Variants in BRD8 observed in about 807,000 individuals in gnomAD.
BRD8 encodes bromodomain-containing protein 8.
A neutral mutation model predicts 143.1 loss-of-function variants in BRD8; 67 were observed. The observed-to-expected ratio is 0.47, with a 90% CI of 0.38 to 0.57. BRD8 has a LOEUF of 0.57. BRD8 is among the 20% of genes least tolerant of loss of function. BRD8 has a pLI of 0.00. For missense variants in BRD8, 1,103 were observed against 1,503.0 expected (o/e 0.73, Z 4.40); for synonymous variants, 505 against 517.1 (o/e 0.98, Z 0.32).
intron 11 of BRD8, among the ~76,000 whole-genome samples, chr5:138,165,623 G>T (rs2269956): frequency 6.6e-6 from 1 of 151,898 alleles, no homozygotes; most frequent in East Asian, 1.9e-4. Context: ...CTACTCAGGA[G>T]GCTGAGGCAC....
chr5:138,155,498 TA>T (rs113571750), intron 20 of BRD8, among the ~76,000 whole-genome samples: 3,455 of 144,176 alleles, frequency 0.024, 119 homozygotes, highest in African/African-American at 0.077. Flanking sequence ...ACTCATCACT[TA>T]AAAAAAAAAA....
At chr5:138,158,270 T>C (rs533344237) in intron 20 of BRD8, among the ~76,000 whole-genome samples, 3 of 152,216 alleles carry the variant, frequency 2.0e-5, no homozygotes, top group Non-Finnish European at 4.4e-5. Flanking sequence ...ACCATGTAGT[T>C]TTCTAGCCTG....
chr5:138,158,764 ATTGT>A lies in BRD8; in HGVS notation c.2577+787_2577+790del, dbSNP rs527709947. On this transcript the variant is annotated intron_variant, in intron 20 of 26. Transcript: ENST00000254900. ...AGCCACAGTGGTCATTATTACTGAG[ATTGT>A]TTTTTTTTTTCTTTTGAGACAAGGT... Among the ~76,000 whole-genome samples, 555 of 142,066 alleles carry A rather than the reference ATTGT, an allele frequency of 3.9e-3. 1 individual carries two copies. The highest frequency in any genetic ancestry group is 0.014 in the African/African-American group (527 of 38,020). The allele number at this position is 142,066 out of a possible 152,430, so 93.2% of individuals were successfully genotyped here. A position where few individuals can be genotyped will look rare whatever the true frequency, so the allele number is the denominator to read the frequency against.
At chr5:138,170,264 A>T (rs1753757472) in intron 7 of BRD8, 81 bp downstream of exon 7, 7 of 974,720 alleles carry the variant, frequency 7.2e-6, no homozygotes, top group South Asian at 2.6e-5. Context: ...AATGTATTCT[A>T]TGTTACAAAA....
chr5:138,168,761 G>A (rs1376856397), intron 8 of BRD8: 2 of 778,242 alleles, frequency 2.6e-6, no homozygotes, highest in Non-Finnish European at 4.3e-6. Context: ...GTATGGGTTA[G>A]TGTGTCTAAC....
Position 138,139,887 on chromosome 5 carries a change from C to A in BRD8, c.*187G>T. On this transcript the variant is annotated 3_prime_UTR_variant, in exon 27 of 27. Transcript: ENST00000254900. ...GCAACATTTATGGCATAAATCCAAA[C>A]CTCAGCTTCCCCTTTTTTTCTTTAT... The A allele has an allele frequency of 3.6e-6, 2 of 549,708 alleles. No homozygotes were observed. Among genetic ancestry groups the A allele is most frequent in the South Asian group, 2.9e-5 (1 of 34,718 alleles). 34.1% of individuals were successfully genotyped at this position (549,708 alleles called of 1,614,324 possible).
In BRD8 at chr5:138,140,580, T is replaced by C. The variant is rs112634189; in HGVS notation, c.3615+125A>G. 12 of 1,133,410 alleles carry C rather than the reference T, an allele frequency of 1.1e-5. No individual in the cohort carries two copies. In the African/African-American group the frequency reaches 1.5e-4, roughly 14 times the overall value. 70.2% of individuals were successfully genotyped at this position (1,133,410 alleles called of 1,614,324 possible). On this transcript the variant is annotated intron_variant, in intron 26 of 26. Transcript: ENST00000254900. ...TCCAAACCAGCAGGCACATTATCAA[T>C]CCTTCAGGGCCTTAATCACCTTTAA...
rs1405309931 is a variant in BRD8, at chr5:138,166,028, T to C, written c.1078A>G (p.Ile360Val). The change falls in exon 11 of 27, where the codon ATA becomes GTA. Residue 360 changes from isoleucine to valine, a missense_variant. Physicochemically the swap from Ile to Val is conservative, Grantham distance 29. Transcript: ENST00000254900. The part of the protein sequence containing the change: ...TVTVSMDSSE[I>V]SMIINSIKEE... ...TTGATAGAATTGATGATCATGGATATTTCACTGCTGTCCATGGAAACAGTC... is the reference window on the plus strand; with the variant it reads ...TTGATAGAATTGATGATCATGGATACTTCACTGCTGTCCATGGAAACAGTC... The C allele has an allele frequency of 6.2e-7, 1 of 1,614,138 alleles. No individual in the cohort carries two copies. The highest frequency in any genetic ancestry group is 1.3e-5 in the African/African-American group (1 of 75,056).
intron 10 of BRD8, 116 bp downstream of exon 10, chr5:138,166,402 C>A: frequency 1.5e-6 from 1 of 667,864 alleles, no homozygotes; most frequent in Non-Finnish European, 2.6e-6. Flanking sequence ...AAAGATGGCA[C>A]ATGTCTATGT....
intron 23 of BRD8, among the ~76,000 whole-genome samples, chr5:138,149,078 A>G (rs962011059): frequency 3.3e-5 from 5 of 151,856 alleles, no homozygotes; most frequent in Non-Finnish European, 5.9e-5. Flanking sequence ...TTAAAGAAAA[A>G]AAAAGCACCA....
intron 15 of BRD8, among the ~76,000 whole-genome samples, chr5:138,162,423 T>G (rs1753067618): frequency 6.6e-6 from 1 of 151,992 alleles, no homozygotes; most frequent in Non-Finnish European, 1.5e-5. Flanking sequence ...CTCGAACTCC[T>G]GGGTTCCAGC....
rs560391329 is a variant in BRD8 at position 138,140,406 on chromosome 5, C to T, written c.3616-240G>A. Among the ~76,000 whole-genome samples, 6 of 152,272 alleles carry T rather than the reference C, an allele frequency of 3.9e-5. No individual in the cohort carries two copies. The East Asian group carries it at 1.2e-3, about 29-fold the overall frequency. ...CCAAAAAATACACAGTGACTCCAGC[C>T]TCTTTGGAGTTTAGCCCTTGACTTG... On this transcript the variant is annotated intron_variant, in intron 26 of 26. Transcript: ENST00000254900.
chr5:138,152,913 G>C (rs1274723345), intron 20 of BRD8, among the ~76,000 whole-genome samples, 153 bp from the exon 21 acceptor site: 1 of 152,126 alleles, frequency 6.6e-6, no homozygotes, highest in Non-Finnish European at 1.5e-5. Context: ...TTGCTGAAGG[G>C]AGACATGAGA....
Position 138,172,161 on chromosome 5 carries a change from A to G in BRD8, c.117-27T>C, listed in dbSNP as rs112902647. 4.4e-6 allele frequency: 7 copies of G among 1,581,854 alleles called. No individual in the cohort carries two copies. In the Admixed American group the frequency reaches 1.0e-4, roughly 23 times the overall value. ...TACAAAATGAGGAAAGCTTTATTACACACCAAGCAGAAAACAATAGGAGAG... is the reference window on the plus strand; with the variant it reads ...TACAAAATGAGGAAAGCTTTATTACGCACCAAGCAGAAAACAATAGGAGAG... On this transcript the variant is annotated intron_variant, in intron 2 of 26. Coordinates refer to ENST00000254900, the MANE Select transcript of BRD8 (RefSeq NM_139199.2).
At chr5:138,158,956 G>A (rs986114360) in intron 20 of BRD8, among the ~76,000 whole-genome samples, 1 of 150,732 alleles carries the variant, frequency 6.6e-6, no homozygotes, top group Non-Finnish European at 1.5e-5. Context: ...TGTTGTTGTT[G>A]CCGTTTTTAA....
intron 20 of BRD8, among the ~76,000 whole-genome samples, chr5:138,158,567 T>G (rs530831396): frequency 6.6e-6 from 1 of 151,334 alleles, no homozygotes; most frequent in Admixed American, 6.6e-5. Flanking sequence ...GCCTCCCGAG[T>G]AGCTGGGATT....
At chr5:138,161,722 G>T in intron 17 of BRD8, 74 bp downstream of exon 17, 1 of 1,487,906 alleles carries the variant, frequency 6.7e-7, no homozygotes, top group Admixed American at 1.9e-5. Context: ...ACTTTCTATC[G>T]AAAGCAAAAC....
At chr5:138,161,307 TCTGTCACTCAGG>T (rs1291888084) in intron 17 of BRD8, 3 of 376,952 alleles carry the variant, frequency 8.0e-6, no homozygotes, top group Non-Finnish European at 1.4e-5. Context: ...AGGGCCTGGA[TCTGTCACTCAGG>T]CTGTAGTGCA....
chr5:138,163,353 C>T lies in BRD8; in HGVS notation c.1873-9G>A. 6.2e-7 allele frequency: 1 copy of T among 1,612,266 alleles called. No individual in the cohort carries two copies. Among genetic ancestry groups the T allele is most frequent in the Non-Finnish European group, 8.5e-7 (1 of 1,178,560 alleles). On this transcript the variant is annotated splice_polypyrimidine_tract_variant and intron_variant, in intron 14 of 26. Transcript: ENST00000254900. ...TCCTCACCTGGGGCATCCTTAGATA[C>T]AGTATGCTCCAGTTAACAAATGCAA...
Sources: gnomAD v4.1 joint callset for allele counts (sites outside exome capture counted in the v4.1 genomes callset) on GRCh38, gnomAD v4.1.1 for gene constraint, MANE v1.5 for transcripts, NCBI Gene and HGNC (gene_info 2026-07-23, HGNC 2026-07-21) for gene names.